The following RELN variants were observed in gnomAD, a reference collection of about 807,000 sequenced individuals.
The protein encoded by RELN is reelin.
In RELN, 108 loss-of-function variants were observed where a neutral mutation model predicts 427.6. The observed-to-expected ratio is 0.25, with a 90% CI of 0.22 to 0.30. RELN has a LOEUF of 0.30. RELN is among the 10% of genes least tolerant of loss of function. The pLI, the probability that RELN is intolerant of heterozygous loss-of-function variation, is 1.00. For missense variants in RELN, 3,715 were observed against 4,302.8 expected (o/e 0.86, Z 3.82); for synonymous variants, 1,524 against 1,513.4 (o/e 1.01, Z -0.16).
chr7:103,496,469 A>T, intron 56 of RELN, 57 bp downstream of exon 56: 8 of 1,610,850 alleles, frequency 5.0e-6, no homozygotes, highest in Non-Finnish European at 6.8e-6. Flanking sequence ...CTATCTGAAG[A>T]CATAAGCAGA....
intron 1 of RELN, among the ~76,000 whole-genome samples, chr7:103,983,188 G>A (rs192610633): frequency 6.6e-5 from 10 of 152,236 alleles, no homozygotes; most frequent in Admixed American, 4.6e-4. Context: ...CATTTGTACT[G>A]ATCCCCCTGC....
intron 1 of RELN, among the ~76,000 whole-genome samples, chr7:103,949,047 A>C (rs962055960): frequency 3.5e-5 from 5 of 142,142 alleles, no homozygotes; most frequent in African/African-American, 7.7e-5. Flanking sequence ...AAAAAAAAAA[A>C]CCCGTATACA....
In RELN at chr7:103,901,971, G is replaced by A. The variant is rs74938962; in HGVS notation, c.337+15104C>T. ...TATTCCAAGCTTTTTTTATATTGCA[G>A]TACTATTTTCCATGTGAGACTTATT... On this transcript the variant is annotated intron_variant, in intron 2 of 64. Transcript: ENST00000428762. Among the ~76,000 whole-genome samples, 1,272 of 152,098 alleles carry A rather than the reference G, an allele frequency of 8.4e-3. 19 individuals are homozygous for A. Among genetic ancestry groups the A allele is most frequent in the East Asian group, 0.053 (275 of 5,184 alleles).
intron 2 of RELN, among the ~76,000 whole-genome samples, chr7:103,883,164 A>G (rs1480716461): frequency 6.6e-6 from 1 of 152,212 alleles, no homozygotes; most frequent in Non-Finnish European, 1.5e-5. Flanking sequence ...TCCATCACAT[A>G]AACAGAACCA....
rs767947283 is a variant in RELN, at chr7:103,682,224, T to C, written c.1181A>G (p.His394Arg). The change falls in exon 11 of 65, where the codon CAT becomes CGT. Residue 394 changes from histidine (H) to arginine (R), a missense_variant. Physicochemically the swap from His to Arg is conservative, Grantham distance 29. This residue lies in a region of RELN where 2,208 missense variants were observed against 2,361.7 expected (regional missense o/e 0.93). Coordinates refer to ENST00000428762, the MANE Select transcript of RELN (RefSeq NM_005045.4). Reference sequence around the variant, plus strand: ...ATTGAACTCGCTGCCTTCATTTCCATGGAAATAAATGGAGTTCCCATCTGA... The same window carrying C: ...ATTGAACTCGCTGCCTTCATTTCCACGGAAATAAATGGAGTTCCCATCTGA... ...CQSDGNSIYF[H>R]GNEGSEFNFA... 3 of 1,614,040 alleles carry C rather than the reference T, an allele frequency of 1.9e-6. No individual in the cohort carries two copies. Among genetic ancestry groups the C allele is most frequent in the East Asian group, 2.2e-5 (1 of 44,848 alleles).
At chr7:103,608,808 T>G (rs1220723110) in intron 22 of RELN, among the ~76,000 whole-genome samples, 1 of 152,252 alleles carries the variant, frequency 6.6e-6, no homozygotes, top group Non-Finnish European at 1.5e-5. Flanking sequence ...GCACACAATT[T>G]GAGTGTCAAA....
At chr7:103,684,331 T>A (rs977103567) in intron 10 of RELN, among the ~76,000 whole-genome samples, 29 of 152,158 alleles carry the variant, frequency 1.9e-4, no homozygotes, top group Non-Finnish European at 3.8e-4. Context: ...GCTTCCTAGA[T>A]GCTCTCCAAA....
chr7:103,531,680 A>G (rs940729032), intron 46 of RELN, among the ~76,000 whole-genome samples: 7 of 151,974 alleles, frequency 4.6e-5, no homozygotes, highest in African/African-American at 1.7e-4. Flanking sequence ...GGCATTTCTT[A>G]TTCTTCAAGA....
intron 1 of RELN, among the ~76,000 whole-genome samples, chr7:103,940,851 G>C (rs1021772887): frequency 6.6e-6 from 1 of 152,148 alleles, no homozygotes; most frequent in Non-Finnish European, 1.5e-5. Context: ...ATAATCTTAT[G>C]AGATATCAGC....
intron 10 of RELN, among the ~76,000 whole-genome samples, chr7:103,692,034 G>A (rs960675306): frequency 6.6e-6 from 1 of 152,076 alleles, no homozygotes. Context: ...TTTGAACCCA[G>A]ACAAGTTTTA....
chr7:103,856,482 T>C (rs1320997387), intron 2 of RELN, among the ~76,000 whole-genome samples: 2 of 150,100 alleles, frequency 1.3e-5, no homozygotes. Flanking sequence ...GGCAGGAGAA[T>C]TGCTTGAACC....
At chr7:103,704,921 T>C (rs1232489251) in intron 8 of RELN, among the ~76,000 whole-genome samples, 2 of 152,176 alleles carry the variant, frequency 1.3e-5, no homozygotes, top group Admixed American at 1.3e-4. Context: ...AATCAACAGA[T>C]TGCTTTCCCA....
At chr7:103,491,156 A>T (rs1424861310) in intron 58 of RELN, among the ~76,000 whole-genome samples, 1 of 152,220 alleles carries the variant, frequency 6.6e-6, no homozygotes, top group African/African-American at 2.4e-5. Flanking sequence ...AACTTAATGT[A>T]ATTAATGTTT....
chr7:103,985,724 C>T (rs960432271), intron 1 of RELN, among the ~76,000 whole-genome samples: 5 of 152,022 alleles, frequency 3.3e-5, no homozygotes, highest in African/African-American at 9.7e-5. Flanking sequence ...GGGGGCAAGG[C>T]GAGGAGTGGC....
chr7:103,596,413 C>T, intron 25 of RELN, 43 bp downstream of exon 25: 4 of 1,506,510 alleles, frequency 2.7e-6, no homozygotes, highest in Non-Finnish European at 3.7e-6. Context: ...TAACCTTTAC[C>T]ATTCCTGGAA....
intron 3 of RELN, among the ~76,000 whole-genome samples, chr7:103,806,731 A>G (rs563480199): frequency 6.6e-6 from 1 of 152,342 alleles, no homozygotes; most frequent in South Asian, 2.1e-4. Flanking sequence ...GTGAATTATT[A>G]TCTTTTTAAA....
At chr7:103,930,212 TCTCA>T (rs923544767) in intron 1 of RELN, among the ~76,000 whole-genome samples, 3 of 152,150 alleles carry the variant, frequency 2.0e-5, no homozygotes, top group Admixed American at 6.5e-5. Context: ...ACGTCCACAT[TCTCA>T]CTGTGTCCCT....
intron 4 of RELN, among the ~76,000 whole-genome samples, chr7:103,771,619 CTTT>C (rs1435084847): frequency 6.6e-6 from 1 of 152,146 alleles, no homozygotes; most frequent in East Asian, 1.9e-4. Context: ...CTAACATTTT[CTTT>C]ATTTCTTCTC....
intron 6 of RELN, among the ~76,000 whole-genome samples, chr7:103,732,378 G>C (rs1397436234): frequency 6.6e-6 from 1 of 152,026 alleles, no homozygotes; most frequent in Non-Finnish European, 1.5e-5. Context: ...AATTATTGGT[G>C]GTGGGGTTCA....
Sources: gnomAD v4.1 joint callset for allele counts (sites outside exome capture counted in the v4.1 genomes callset) on GRCh38, gnomAD v4.1.1 for gene constraint, gnomAD v4.1.1 regional missense constraint, MANE v1.5 for transcripts, NCBI Gene and HGNC (gene_info 2026-07-23, HGNC 2026-07-21) for gene names.